The following PRKCQ variants were observed in gnomAD, a reference collection of about 807,000 sequenced individuals.
PRKCQ encodes the protein protein kinase C theta type.
A neutral mutation model predicts 91.2 loss-of-function variants in PRKCQ; 41 were observed. The ratio of observed to expected loss-of-function variants is 0.45; its 90% CI spans 0.35 to 0.58. The LOEUF (loss-of-function observed/expected upper bound fraction) is 0.58, where lower values mean the gene tolerates loss of function less well. PRKCQ is among the 20% of genes least tolerant of loss of function. The pLI, the probability that PRKCQ is intolerant of heterozygous loss-of-function variation, is 0.00. For synonymous variants in PRKCQ, 307 were observed against 316.9 expected (o/e 0.97, Z 0.33); for missense variants, 673 against 896.5 (o/e 0.75, Z 3.18).
At chr10:6,483,210 T>G (rs1430650637) in intron 11 of PRKCQ, among the ~76,000 whole-genome samples, 1 of 152,172 alleles carries the variant, frequency 6.6e-6, no homozygotes, top group Non-Finnish European at 1.5e-5. Flanking sequence ...GCGTGTGAGA[T>G]GTACACTCTC....
At chr10:6,416,042 T>C in the PRKCQ span, among the ~76,000 whole-genome samples, 116 of 152,292 alleles carry the variant, frequency 7.6e-4, no homozygotes, top group African/African-American at 2.6e-3. Flanking sequence ...CCACCATGCC[T>C]GGCCTGTTTT....
chr10:6,418,008 G>A, the PRKCQ span, among the ~76,000 whole-genome samples: 16 of 152,210 alleles, frequency 1.1e-4, no homozygotes, highest in South Asian at 2.7e-3. Context: ...GCCTTCTTCC[G>A]TCATCTCCCA....
intron 1 of PRKCQ, among the ~76,000 whole-genome samples, chr10:6,551,850 T>C (rs1467242574): frequency 1.3e-5 from 2 of 152,248 alleles, no homozygotes; most frequent in South Asian, 2.1e-4. Context: ...ATGGGATTCC[T>C]GGGTCGAATG....
At chr10:6,525,060 G>T (rs1224642994) in intron 1 of PRKCQ, among the ~76,000 whole-genome samples, 1 of 152,058 alleles carries the variant, frequency 6.6e-6, no homozygotes, top group Non-Finnish European at 1.5e-5. Flanking sequence ...ATGCATAACA[G>T]GATTCCTACA....
At chr10:6,580,045 G>A (rs374792629) in intron 1 of PRKCQ, among the ~76,000 whole-genome samples, 166 bp downstream of exon 1, 3 of 152,080 alleles carry the variant, frequency 2.0e-5, no homozygotes, top group Non-Finnish European at 2.9e-5. Context: ...TCTTCCCGGT[G>A]CGCTCTTGCG....
chr10:6,435,240 T>C (rs1353838233), intron 16 of PRKCQ, among the ~76,000 whole-genome samples: 2 of 152,250 alleles, frequency 1.3e-5, no homozygotes, highest in Non-Finnish European at 2.9e-5. Context: ...GGTGGGCCAA[T>C]GGCAACGGGT....
chr10:6,485,001 T>A, intron 10 of PRKCQ, 151 bp downstream of exon 10: 1 of 678,480 alleles, frequency 1.5e-6, no homozygotes, highest in South Asian at 2.1e-5. Context: ...TTTTAGTTTC[T>A]TTTCTAAGAA....
the PRKCQ span, among the ~76,000 whole-genome samples, chr10:6,399,933 G>A: frequency 5.3e-5 from 8 of 152,110 alleles, no homozygotes; most frequent in Non-Finnish European, 7.3e-5. Context: ...TCGGGGGTTG[G>A]GGGGGCGGAC....
intron 15 of PRKCQ, among the ~76,000 whole-genome samples, chr10:6,446,159 G>A (rs1400964827): frequency 1.3e-5 from 2 of 152,092 alleles, no homozygotes. Context: ...CCTGAGCTAG[G>A]CACAGTTATC....
intron 4 of PRKCQ, among the ~76,000 whole-genome samples, chr10:6,503,295 C>T (rs897336418): frequency 6.6e-6 from 1 of 151,928 alleles, no homozygotes; most frequent in African/African-American, 2.4e-5. Context: ...AGTGTGAGTC[C>T]CTGGAGGTGG....
intron 15 of PRKCQ, among the ~76,000 whole-genome samples, chr10:6,449,079 T>C (rs538603404): frequency 9.2e-4 from 140 of 152,332 alleles, no homozygotes; most frequent in Non-Finnish European, 1.7e-3. Flanking sequence ...CAAAGCTGGA[T>C]GGAGAATGAC....
intron 12 of PRKCQ, among the ~76,000 whole-genome samples, chr10:6,466,923 CTATT>C (rs1835684427): frequency 6.6e-6 from 1 of 152,182 alleles, no homozygotes; most frequent in Non-Finnish European, 1.5e-5. Context: ...CAAAGCCCCT[CTATT>C]TATAACTCTG....
At chr10:6,448,089 C>T (rs1425127947) in intron 15 of PRKCQ, among the ~76,000 whole-genome samples, 2 of 152,146 alleles carry the variant, frequency 1.3e-5, no homozygotes, top group Non-Finnish European at 2.9e-5. Context: ...TAACAAAAGA[C>T]GCCCAGAGGT....
the PRKCQ span, among the ~76,000 whole-genome samples, chr10:6,415,746 C>T: frequency 7.1e-6 from 1 of 140,278 alleles, no homozygotes; most frequent in Non-Finnish European, 1.5e-5. Flanking sequence ...CTCTCTCTCT[C>T]TTTTTTTTTT....
intron 9 of PRKCQ, 103 bp downstream of exon 9, chr10:6,485,932 C>T (rs1588739686): frequency 1.0e-6 from 1 of 982,110 alleles, no homozygotes; most frequent in Non-Finnish European, 1.6e-6. Context: ...AGAAATACAT[C>T]CCGGCATTTC....
chr10:6,495,048 G>A (rs578064191), intron 7 of PRKCQ, among the ~76,000 whole-genome samples: 54 of 152,148 alleles, frequency 3.5e-4, no homozygotes, highest in Admixed American at 2.9e-3. Flanking sequence ...CTAATCTTTT[G>A]GCAAATCCAG....
chr10:6,520,429 A>T (rs1838956787), intron 1 of PRKCQ, among the ~76,000 whole-genome samples: 1 of 152,108 alleles, frequency 6.6e-6, no homozygotes, highest in East Asian at 1.9e-4. Context: ...GTCACCTCTC[A>T]GTCTCCATCC....
chr10:6,402,816 A>G, the PRKCQ span, among the ~76,000 whole-genome samples: 6 of 152,224 alleles, frequency 3.9e-5, no homozygotes, highest in Non-Finnish European at 8.8e-5. Flanking sequence ...AGGCTGAGAC[A>G]GGAGAATCAC....
At chr10:6,428,405 A>G (rs1833234804) in intron 17 of PRKCQ, 43 bp from the exon 18 acceptor site, 1 of 1,591,882 alleles carries the variant, frequency 6.3e-7, no homozygotes, top group Non-Finnish European at 8.6e-7. Flanking sequence ...AAGAAAAATC[A>G]GCCATTAAGT....
Sources: allele counts gnomAD v4.1 joint callset (sites outside exome capture counted in the v4.1 genomes callset), GRCh38; gene constraint gnomAD v4.1.1; transcripts MANE v1.5; gene names NCBI Gene and HGNC (gene_info 2026-07-23, HGNC 2026-07-21).